The following DAB1 variants were observed in gnomAD, a reference collection of about 807,000 sequenced individuals.
DAB1 encodes the protein disabled homolog 1.
DAB1 carries 15 observed loss-of-function variants against 64.6 expected under a neutral mutation model. The observed-to-expected ratio is 0.23, with a 90% CI of 0.16 to 0.36. The LOEUF (loss-of-function observed/expected upper bound fraction) is 0.36. DAB1 is among the 10% of genes least tolerant of loss of function. The pLI is 1.00. For missense variants in DAB1, 596 were observed against 706.7 expected (o/e 0.84, Z 1.78); for synonymous variants, 235 against 251.9 (o/e 0.93, Z 0.64).
chr1:58,383,599 A>G (rs1288210744), intron 3 of DAB1, among the ~76,000 whole-genome samples: 1 of 111,392 alleles, frequency 9.0e-6, no homozygotes, highest in Non-Finnish European at 1.8e-5. Flanking sequence ...TTTTTTCAGT[A>G]CAGTATCTGA....
At chr1:57,358,438 G>A (rs1679293399) in intron 1 of DAB1, among the ~76,000 whole-genome samples, 1 of 151,856 alleles carries the variant, frequency 6.6e-6, no homozygotes, top group East Asian at 1.9e-4. Context: ...TGTTACAGTG[G>A]TGTATCACAT....
intron 6 of DAB1, among the ~76,000 whole-genome samples, chr1:57,737,522 T>A (rs1016942982): frequency 6.6e-6 from 1 of 152,160 alleles, no homozygotes; most frequent in Non-Finnish European, 1.5e-5. Context: ...TTAAATGAGT[T>A]AAAATTCATA....
rs1461841987 is a variant in DAB1, at chr1:57,193,418, G to A, written c.68-47989C>T. Among the ~76,000 whole-genome samples, 42 of 113,036 alleles carry A rather than the reference G, an allele frequency of 3.7e-4. 1 individual carries two copies. The highest frequency in any genetic ancestry group is 8.2e-4 in the East Asian group (3 of 3,676). 74.2% of individuals were successfully genotyped at this position (113,036 alleles called of 152,430 possible). A position where few individuals can be genotyped will look rare whatever the true frequency, so the allele number is the denominator to read the frequency against. ...TTTTTTTTTTTTGAGACAGAGTCTC[G>A]CTCTGTCACCCAGGCTGGAGTGCAG... On this transcript the variant is annotated intron_variant, in intron 2 of 14. Transcript: ENST00000371236.
intron 7 of DAB1, among the ~76,000 whole-genome samples, chr1:57,452,934 AAAG>A (rs974558997): frequency 6.6e-6 from 1 of 151,828 alleles, no homozygotes; most frequent in Non-Finnish European, 1.5e-5. Flanking sequence ...ATGAAGGAAA[AAAG>A]AAAAAAGGAA....
chr1:58,122,611 G>A (rs1301273148), intron 5 of DAB1, among the ~76,000 whole-genome samples: 3 of 150,502 alleles, frequency 2.0e-5, no homozygotes, highest in Admixed American at 2.0e-4. Flanking sequence ...AAAAAAAAAT[G>A]CATTTTCACA....
intron 4 of DAB1, among the ~76,000 whole-genome samples, chr1:57,136,272 T>C (rs1428466406): frequency 6.6e-6 from 1 of 152,194 alleles, no homozygotes; most frequent in Non-Finnish European, 1.5e-5. Flanking sequence ...ACATTACCCA[T>C]TGATCTTCAA....
rs183491290 is a variant in DAB1, at chr1:58,168,498, G to A, written n.310-17910C>T. ...GTCCCACTTCTAAAAACCACTCCCT[G>A]TCTCTGGTGCTTTTCTAGTTTCTCC... On this transcript the variant is annotated intron_variant and non_coding_transcript_variant, in intron 4 of 20. Transcript: ENST00000485760. Among the ~76,000 whole-genome samples the A allele has an allele frequency of 1.2e-3, 188 of 152,152 alleles. 2 individuals carry two copies. The highest frequency in any genetic ancestry group is 4.2e-3 in the African/African-American group (173 of 41,504).
chr1:57,036,794 A>G (rs1028246263), intron 9 of DAB1, among the ~76,000 whole-genome samples: 14 of 152,230 alleles, frequency 9.2e-5, no homozygotes, highest in African/African-American at 3.1e-4. Context: ...TTGAATCATC[A>G]TTAAAACATG....
intron 7 of DAB1, among the ~76,000 whole-genome samples, chr1:57,506,307 A>G (rs769086414): frequency 3.3e-5 from 5 of 152,226 alleles, no homozygotes; most frequent in Non-Finnish European, 7.3e-5. Flanking sequence ...TAAAAATGAA[A>G]CTTGGAGAAG....
intron 5 of DAB1, among the ~76,000 whole-genome samples, chr1:58,096,255 T>C (rs1650973204): frequency 6.6e-6 from 1 of 152,254 alleles, no homozygotes; most frequent in Admixed American, 6.5e-5. Context: ...GGCAGTATTA[T>C]CCCTTTTCCA....
intron 4 of DAB1, among the ~76,000 whole-genome samples, chr1:57,083,920 T>TCAATTGAAGTA (rs1233790695): frequency 3.9e-5 from 6 of 152,220 alleles, no homozygotes; most frequent in Non-Finnish European, 7.3e-5. Context: ...GTGAGTTCAT[T>TCAATTGAAGTA]CAATTGAAGT....
At chr1:57,355,058 G>A (rs1678954455) in intron 1 of DAB1, among the ~76,000 whole-genome samples, 1 of 152,082 alleles carries the variant, frequency 6.6e-6, no homozygotes, top group African/African-American at 2.4e-5. Flanking sequence ...AAGTGAGGTA[G>A]AGGCACACCA....
chr1:57,367,043 C>CAAAATAAAATAAAATAA (rs1680061154), intron 1 of DAB1, among the ~76,000 whole-genome samples: 19 of 91,704 alleles, frequency 2.1e-4, no homozygotes, highest in Non-Finnish European at 3.4e-4. Flanking sequence ...CCTGTCTCCA[C>CAAAATAAAATAAAATAA]AAAATAAAAT....
At chr1:58,371,189 G>A (rs565185410) in intron 3 of DAB1, among the ~76,000 whole-genome samples, 1 of 152,194 alleles carries the variant, frequency 6.6e-6, no homozygotes, top group Non-Finnish European at 1.5e-5. Context: ...CTGGGCTGAG[G>A]TGGTCTCAGA....
intron 1 of DAB1, among the ~76,000 whole-genome samples, chr1:57,408,573 T>C (rs1043418531): frequency 1.3e-5 from 2 of 152,142 alleles, no homozygotes; most frequent in Non-Finnish European, 1.5e-5. Context: ...GCTGCTGCCC[T>C]ACTCCCTGGG....
intron 4 of DAB1, among the ~76,000 whole-genome samples, chr1:57,112,731 C>T (rs981999422): frequency 2.6e-5 from 4 of 151,892 alleles, no homozygotes; most frequent in South Asian, 2.1e-4. Context: ...AGAAGATGTA[C>T]AAACGAATCA....
chr1:57,558,569 G>A (rs1397967314), intron 7 of DAB1, among the ~76,000 whole-genome samples: 1 of 152,176 alleles, frequency 6.6e-6, no homozygotes, highest in Non-Finnish European at 1.5e-5. Flanking sequence ...GAAATCTGGA[G>A]AATAGCCATG....
chr1:57,432,897 A>G (rs1685567036), intron 7 of DAB1, among the ~76,000 whole-genome samples: 1 of 152,172 alleles, frequency 6.6e-6, no homozygotes, highest in Admixed American at 6.5e-5. Context: ...TACAAGTTAG[A>G]AATAAATTCA....
chr1:57,066,481 T>C (rs1028948789), intron 8 of DAB1, among the ~76,000 whole-genome samples: 46 of 152,288 alleles, frequency 3.0e-4, no homozygotes, highest in African/African-American at 9.9e-4. Flanking sequence ...ATTATTAATA[T>C]AGCTGGGAAA....
Sources: allele counts gnomAD v4.1 joint callset (sites outside exome capture counted in the v4.1 genomes callset), GRCh38; gene constraint gnomAD v4.1.1; transcripts MANE v1.5; gene names NCBI Gene and HGNC (gene_info 2026-07-23, HGNC 2026-07-21).